FRK: variants seen among roughly 807,000 people sequenced by gnomAD.
FRK encodes tyrosine-protein kinase FRK.
FRK carries 51 observed loss-of-function variants against 56.4 expected under a neutral mutation model. That is an observed-to-expected ratio of 0.90 (90% CI 0.72 to 1.14). FRK has a LOEUF of 1.14. FRK is among the 50% of genes most tolerant of loss of function. The pLI is 0.00. For synonymous variants in FRK, 245 were observed against 217.9 expected, an observed-to-expected ratio of 1.12 and a Z score of -1.10; for missense variants, 570 against 601.4, an observed-to-expected ratio of 0.95 and a Z score of 0.55.
At chr6:116,040,522 A>G (rs770684727) in intron 1 of FRK, among the ~76,000 whole-genome samples, 9 of 152,286 alleles carry the variant, frequency 5.9e-5, no homozygotes, top group African/African-American at 9.6e-5. Context: ...ATTATGTTAC[A>G]TGTAGTCTCT....
At chr6:116,078,271 G>C in the FRK span, among the ~76,000 whole-genome samples, 4 of 151,896 alleles carry the variant, frequency 2.6e-5, no homozygotes, top group African/African-American at 9.7e-5. Flanking sequence ...GGATTTGTTA[G>C]AGGTGTTTAA....
the FRK span, among the ~76,000 whole-genome samples, chr6:116,089,195 C>T: frequency 1.3e-5 from 2 of 152,162 alleles, no homozygotes; most frequent in Non-Finnish European, 2.9e-5. Flanking sequence ...AAAGGCTTGG[C>T]TTAAATGCTT....
At chr6:116,046,632 G>T (rs770378474) in intron 1 of FRK, among the ~76,000 whole-genome samples, 3 of 152,096 alleles carry the variant, frequency 2.0e-5, no homozygotes, top group East Asian at 1.9e-4. Context: ...GGCCTGCAGG[G>T]GGGTAGGGGG....
intron 1 of FRK, among the ~76,000 whole-genome samples, chr6:116,024,845 A>C (rs566357965): frequency 7.5e-4 from 114 of 152,294 alleles, no homozygotes; most frequent in African/African-American, 2.5e-3. Context: ...CACCACACTG[A>C]CTTCCACAAT....
At chr6:116,063,913 G>C (rs906003359), upstream of FRK, among the ~76,000 whole-genome samples, 1 of 152,146 alleles carries the variant, frequency 6.6e-6, no homozygotes, top group African/African-American at 2.4e-5. Flanking sequence ...CGGCCACCAA[G>C]TGGCTAACCC....
chr6:115,933,575 TA>T lies in FRK; in HGVS notation c.*8838del, dbSNP rs1276064804. ...CAGGTGGTATTAAAACAGGAAAGGA[TA>T]AACTTCTTTTCATATTTCAAAATCA... On this transcript the variant is annotated 3_prime_UTR_variant, in exon 8 of 8. Transcript: ENST00000606080. 1 of 152,182 alleles carries T rather than the reference TA, an allele frequency of 6.6e-6. No individual in the cohort carries two copies. Among genetic ancestry groups the T allele is most frequent in the East Asian group, 1.9e-4 (1 of 5,200 alleles). 9.4% of individuals were successfully genotyped at this position (152,182 alleles called of 1,614,324 possible). A position where few individuals can be genotyped will look rare whatever the true frequency, so the allele number is the denominator to read the frequency against.
chr6:116,000,280 T>A (rs1775013869), intron 2 of FRK, among the ~76,000 whole-genome samples: 1 of 120,520 alleles, frequency 8.3e-6, no homozygotes, highest in Non-Finnish European at 1.7e-5. Context: ...TCTCGCTCTG[T>A]CACCCAGGAT....
intron 2 of FRK, among the ~76,000 whole-genome samples, chr6:115,969,455 T>G (rs1375620137): frequency 6.6e-6 from 1 of 152,186 alleles, no homozygotes; most frequent in African/African-American, 2.4e-5. Context: ...GCAGTGGCTA[T>G]TTTGTTACTG....
chr6:116,025,629 C>T (rs531525226), intron 1 of FRK, among the ~76,000 whole-genome samples: 27 of 152,256 alleles, frequency 1.8e-4, no homozygotes, highest in Admixed American at 1.5e-3. Context: ...TGACCTTTTA[C>T]AAAACTAGAC....
At chr6:116,039,080 G>A in intron 1 of FRK, 2 of 774,180 alleles carry the variant, frequency 2.6e-6, no homozygotes, top group Non-Finnish European at 4.8e-6. Context: ...TAAGCTGATT[G>A]GGCAGAAAGT....
chr6:116,004,115 CT>C, intron 1 of FRK, 117 bp from the exon 2 acceptor site: 1 of 860,220 alleles, frequency 1.2e-6, no homozygotes, highest in Non-Finnish European at 1.8e-6. Flanking sequence ...TTTAGTAAAA[CT>C]ATTACAGGTA....
chr6:115,942,873 C>T (rs773527826), intron 7 of FRK, 147 bp downstream of exon 7: 43 of 808,068 alleles, frequency 5.3e-5, no homozygotes, highest in Non-Finnish European at 7.9e-5. Flanking sequence ...TGCAAATTAT[C>T]ATCATCAAAT....
the FRK span, among the ~76,000 whole-genome samples, chr6:116,084,525 C>A: frequency 6.6e-6 from 1 of 152,206 alleles, no homozygotes; most frequent in South Asian, 2.1e-4. Context: ...CATCTCCTAG[C>A]AGTCTAGTTC....
intron 2 of FRK, among the ~76,000 whole-genome samples, chr6:115,987,831 C>T (rs539591337): frequency 1.3e-5 from 2 of 152,104 alleles, no homozygotes; most frequent in South Asian, 2.1e-4. Context: ...TCTCTTTGTT[C>T]GGGACTATAC....
intron 2 of FRK, among the ~76,000 whole-genome samples, chr6:115,986,060 T>A (rs1385723365): frequency 6.6e-6 from 1 of 151,728 alleles, no homozygotes; most frequent in African/African-American, 2.4e-5. Flanking sequence ...TGTCTGGGAC[T>A]ATTTATGTGA....
chr6:115,931,414 T>G lies in FRK; in HGVS notation c.*11000A>C, dbSNP rs2114481779. On this transcript the variant is annotated 3_prime_UTR_variant, in exon 8 of 8. Transcript: ENST00000606080. Reference sequence around the variant, plus strand: ...GGGTAAATAATAGCATTATAACAAGTGGTACAATTAAAAGAGGTCTTCTTT... The same window carrying G: ...GGGTAAATAATAGCATTATAACAAGGGGTACAATTAAAAGAGGTCTTCTTT... 6.6e-6 allele frequency: 1 copy of G among 152,310 alleles called. No homozygotes were observed. The highest frequency in any genetic ancestry group is 2.1e-4 in the South Asian group (1 of 4,832). The allele number at this position is 152,310 out of a possible 1,614,324, so 9.4% of individuals were successfully genotyped here.
In FRK at chr6:115,943,052, T is replaced by G; in HGVS notation, c.1274A>C (p.Glu425Ala). The G allele has an allele frequency of 1.2e-6, 2 of 1,612,982 alleles. No individual in the cohort carries two copies. The highest frequency in any genetic ancestry group is 1.7e-6 in the Non-Finnish European group (2 of 1,179,564). Residue 425 changes from glutamate (E) to alanine (A), a missense_variant, in exon 7 of 8, where the codon GAA becomes GCA. By Grantham distance (107) the Glu-to-Ala change is moderately radical (BLOSUM62 -1). Coordinates refer to ENST00000606080, the MANE Select transcript of FRK (RefSeq NM_002031.3). Reference sequence around the variant, plus strand: ...AGGCATTTTGCCATAAGTAATGATTTCATAAAGAAGGATTCCAAATGACCA... The same window carrying G: ...AGGCATTTTGCCATAAGTAATGATTGCATAAAGAAGGATTCCAAATGACCA... ...DVWSFGILLYEIITYGKMPYS... is the reference protein window; with the variant it reads ...DVWSFGILLYAIITYGKMPYS...
At chr6:115,950,569 G>C (rs1429832625) in intron 5 of FRK, among the ~76,000 whole-genome samples, 4 of 152,202 alleles carry the variant, frequency 2.6e-5, no homozygotes, top group Admixed American at 2.6e-4. Flanking sequence ...CACTGTTGGT[G>C]GGAGTGTAAA....
intron 1 of FRK, among the ~76,000 whole-genome samples, chr6:116,022,548 T>G (rs1001824402): frequency 8.5e-5 from 13 of 152,218 alleles, no homozygotes; most frequent in African/African-American, 3.1e-4. Context: ...AAAGAAAAAC[T>G]ATATAATCAG....
Sources: gnomAD v4.1 joint callset for allele counts (sites outside exome capture counted in the v4.1 genomes callset) on GRCh38, gnomAD v4.1.1 for gene constraint, MANE v1.5 for transcripts, NCBI Gene and HGNC (gene_info 2026-07-23, HGNC 2026-07-21) for gene names.